GSG1L: variants seen among roughly 807,000 people sequenced by gnomAD.
GSG1L encodes GSG1 like.
Under a neutral mutation model 42.1 loss-of-function variants are expected in GSG1L, and 24 were observed. The ratio of observed to expected loss-of-function variants is 0.57; its 90% CI spans 0.41 to 0.80. GSG1L has a LOEUF of 0.80. GSG1L is among the 30% of genes least tolerant of loss of function. GSG1L has a pLI of 0.00. For missense variants in GSG1L, 445 were observed against 472.2 expected (o/e 0.94, Z 0.53); for synonymous variants, 215 against 203.5 (o/e 1.06, Z -0.48).
rs563584925 is a variant in GSG1L at position 27,886,201 on chromosome 16, A to T, written c.398-1563T>A. ...ATGCCTGTAATCCCAGCACTTTGGC[A>T]GGCTGAGGCAGATGGATCACTTGAG... On this transcript the variant is annotated intron_variant, in intron 2 of 6. Coordinates refer to ENST00000447459, the MANE Select transcript of GSG1L (RefSeq NM_001109763.2). 1.3e-3 allele frequency among the ~76,000 whole-genome samples: 199 copies of T among 152,342 alleles called. 1 individual carries two copies. Among genetic ancestry groups the T allele is most frequent in the Non-Finnish European group, 2.4e-3 (164 of 68,038 alleles).
rs80280948 is a variant in GSG1L at position 27,924,023 on chromosome 16, C to T, written c.397+39133G>A. The stretch of plus-strand genomic sequence containing the variant: ...AAAATAGGAGTAACAATAGTGTTAA[C>T]TCAGGATTTGTGAGGATTACTTCAG... On this transcript the variant is annotated intron_variant, in intron 2 of 6. Transcript: ENST00000447459. Among the ~76,000 whole-genome samples the T allele has an allele frequency of 7.6e-3, 1,154 of 152,096 alleles. 11 individuals carry two copies. Among genetic ancestry groups the T allele is most frequent in the Non-Finnish European group, 0.011 (737 of 68,012 alleles).
At chr16:27,883,573 G>T (rs1374125801) in intron 3 of GSG1L, among the ~76,000 whole-genome samples, 1 of 152,172 alleles carries the variant, frequency 6.6e-6, no homozygotes, top group Non-Finnish European at 1.5e-5. Context: ...CCCTTACCAG[G>T]AGGCTCATCG....
chr16:28,014,009 T>C (rs1338773428), intron 1 of GSG1L, among the ~76,000 whole-genome samples: 1 of 152,238 alleles, frequency 6.6e-6, no homozygotes, highest in Non-Finnish European at 1.5e-5. Context: ...GGGGCAGAGC[T>C]GCCCCACCAA....
chr16:27,921,486 C>T lies in GSG1L; in HGVS notation c.398-36848G>A, dbSNP rs562235128. Among the ~76,000 whole-genome samples, 9 of 152,330 alleles carry T rather than the reference C, an allele frequency of 5.9e-5. No homozygotes were observed. In the South Asian group the frequency reaches 1.9e-3, roughly 32 times the overall value. On this transcript the variant is annotated intron_variant, in intron 2 of 6. Coordinates refer to ENST00000447459, the MANE Select transcript of GSG1L (RefSeq NM_001109763.2). ...TCCTTTTAAACATCAACCCTGTTAA[C>T]TTTTACAGCCTCATCTCTCACAACA...
chr16:27,930,708 T>C (rs1238769029), intron 2 of GSG1L, among the ~76,000 whole-genome samples: 3 of 152,150 alleles, frequency 2.0e-5, no homozygotes, highest in Non-Finnish European at 4.4e-5. Flanking sequence ...TTAAAGGATG[T>C]CATTCACAAA....
intron 1 of GSG1L, among the ~76,000 whole-genome samples, chr16:28,050,494 G>T (rs1225683773): frequency 6.6e-6 from 1 of 152,120 alleles, no homozygotes; most frequent in African/African-American, 2.4e-5. Flanking sequence ...AGAAGGGCTG[G>T]AATTGGAGGC....
chr16:27,957,757 A>C (rs556349263), intron 2 of GSG1L, among the ~76,000 whole-genome samples: 1 of 152,260 alleles, frequency 6.6e-6, no homozygotes, highest in East Asian at 1.9e-4. Context: ...TACAAAGAAG[A>C]GGTTTATTTG....
At chr16:27,997,856 C>CTT (rs35354576) in intron 1 of GSG1L, among the ~76,000 whole-genome samples, 1,397 of 85,106 alleles carry the variant, frequency 0.016, 109 homozygotes, top group South Asian at 0.037. Flanking sequence ...ACCCTCTCCA[C>CTT]TTTTTTTTTT....
chr16:27,989,751 C>CA (rs996869657), intron 1 of GSG1L, among the ~76,000 whole-genome samples: 17 of 149,212 alleles, frequency 1.1e-4, no homozygotes, highest in South Asian at 2.1e-4. Context: ...AAAAAAAAAA[C>CA]AACAAACAAT....
chr16:27,821,908 GTAAATAAATAAA>G (rs10544246), intron 5 of GSG1L, among the ~76,000 whole-genome samples: 7 of 149,974 alleles, frequency 4.7e-5, no homozygotes, highest in African/African-American at 1.5e-4. Context: ...TCTCAAAAAA[GTAAATAAATAAA>G]TAAATAAATA....
chr16:27,896,669 G>A (rs563338741), intron 2 of GSG1L, among the ~76,000 whole-genome samples: 2 of 152,292 alleles, frequency 1.3e-5, no homozygotes, highest in East Asian at 3.9e-4. Context: ...TAATCACAAG[G>A]GTCATTATGA....
At chr16:27,896,703 C>T (rs2084195728) in intron 2 of GSG1L, among the ~76,000 whole-genome samples, 1 of 152,128 alleles carries the variant, frequency 6.6e-6, no homozygotes, top group Non-Finnish European at 1.5e-5. Context: ...GGGTCAGAGA[C>T]AGAGAAGGAG....
intron 5 of GSG1L, among the ~76,000 whole-genome samples, chr16:27,818,819 GA>G (rs1174273840): frequency 6.6e-6 from 1 of 151,892 alleles, no homozygotes; most frequent in Non-Finnish European, 1.5e-5. Context: ...CCCATTTTCT[GA>G]GTAAATATCA....
chr16:28,039,672 C>A (rs145612812), intron 1 of GSG1L, among the ~76,000 whole-genome samples: 2 of 151,792 alleles, frequency 1.3e-5, no homozygotes, highest in East Asian at 1.9e-4. Flanking sequence ...CATGCACACA[C>A]GTATGCACAC....
chr16:27,920,912 A>G (rs1384931236), intron 2 of GSG1L, among the ~76,000 whole-genome samples: 1 of 152,120 alleles, frequency 6.6e-6, no homozygotes, highest in East Asian at 1.9e-4. Context: ...AGTCGTGGGG[A>G]ATAAGGGGCC....
chr16:27,840,807 C>G lies in GSG1L; in HGVS notation c.662+4143G>C, dbSNP rs530520449. On this transcript the variant is annotated intron_variant, in intron 4 of 6. Coordinates refer to ENST00000447459, the MANE Select transcript of GSG1L (RefSeq NM_001109763.2). ...TCTTGAGATAGTCTCCCCAAGGACCCAGCCTCCAGGCTGTGTGAAGCCCCT... is the reference window on the plus strand; with the variant it reads ...TCTTGAGATAGTCTCCCCAAGGACCGAGCCTCCAGGCTGTGTGAAGCCCCT... Among the ~76,000 whole-genome samples the G allele has an allele frequency of 2.3e-3, 354 of 152,250 alleles. 2 individuals carry two copies. Among genetic ancestry groups the G allele is most frequent in the South Asian group, 8.7e-3 (42 of 4,808 alleles).
At chr16:27,845,574 T>A (rs2083434028) in intron 3 of GSG1L, among the ~76,000 whole-genome samples, 1 of 152,196 alleles carries the variant, frequency 6.6e-6, no homozygotes, top group East Asian at 1.9e-4. Flanking sequence ...AGCTGTAGAG[T>A]GGGCTTTGGC....
intron 2 of GSG1L, among the ~76,000 whole-genome samples, chr16:27,906,687 C>T (rs2084324467): frequency 6.6e-6 from 1 of 152,220 alleles, no homozygotes; most frequent in South Asian, 2.1e-4. Context: ...AAGATCCTAA[C>T]CCATCCACCT....
At chr16:27,925,649 T>A (rs2084584020) in intron 2 of GSG1L, among the ~76,000 whole-genome samples, 1 of 151,944 alleles carries the variant, frequency 6.6e-6, no homozygotes, top group Non-Finnish European at 1.5e-5. Flanking sequence ...CGAGGGTGGG[T>A]CCCAACCATG....
Sources: allele counts gnomAD v4.1 joint callset (sites outside exome capture counted in the v4.1 genomes callset), GRCh38; gene constraint gnomAD v4.1.1; transcripts MANE v1.5; gene names NCBI Gene and HGNC (gene_info 2026-07-23, HGNC 2026-07-21).